The following ARPC1A variants were observed in gnomAD, a reference collection of about 807,000 sequenced individuals.
The protein encoded by ARPC1A is actin related protein 2/3 complex subunit 1A.
In ARPC1A, 8 loss-of-function variants were observed where a neutral mutation model predicts 46.9. The ratio of observed to expected loss-of-function variants is 0.17; its 90% CI spans 0.10 to 0.31. The LOEUF (loss-of-function observed/expected upper bound fraction) is 0.31, where lower values mean the gene tolerates loss of function less well. Ranked by LOEUF, ARPC1A falls within the 10% of genes least tolerant of loss-of-function variation. The probability of loss-of-function intolerance (pLI) is 1.00; values close to 1 mark genes in which losing one functional copy is unlikely to be tolerated. For synonymous variants in ARPC1A, 152 were observed against 169.0 expected (o/e 0.90, Z 0.78); for missense variants, 286 against 483.6 (o/e 0.59, Z 3.83).
intron 1 of ARPC1A, among the ~76,000 whole-genome samples, chr7:99,327,477 A>ATT (rs112492087): frequency 0.024 from 3,378 of 139,006 alleles, 119 homozygotes; most frequent in African/African-American, 0.083. Flanking sequence ...CGCCTGGCTA[A>ATT]TTTTTTTTTT....
intron 3 of ARPC1A, among the ~76,000 whole-genome samples, chr7:99,341,005 C>A (rs1377125637): frequency 6.6e-6 from 1 of 152,160 alleles, no homozygotes; most frequent in Non-Finnish European, 1.5e-5. Context: ...TAAGAATACT[C>A]ATATTTTAAA....
intron 1 of ARPC1A, among the ~76,000 whole-genome samples, chr7:99,326,335 G>A (rs1240761136): frequency 6.6e-6 from 1 of 152,194 alleles, no homozygotes; most frequent in African/African-American, 2.4e-5. Flanking sequence ...AGGATCTCCC[G>A]TAATCGAGCG....
Position 99,365,954 on chromosome 7 carries a change from G to A in ARPC1A, c.*25G>A, listed in dbSNP as rs772594251. On this transcript the variant is annotated 3_prime_UTR_variant, in exon 10 of 10. Coordinates refer to ENST00000262942, the MANE Select transcript of ARPC1A (RefSeq NM_006409.4). ...AAGCTGAGTGAGCCTCCGCCATCCAGCATGACAAACTGTGGCCGACCGCAG... is the reference window on the plus strand; with the variant it reads ...AAGCTGAGTGAGCCTCCGCCATCCAACATGACAAACTGTGGCCGACCGCAG... 9 of 1,564,028 alleles carry A rather than the reference G, an allele frequency of 5.8e-6. No individual in the cohort carries two copies. The South Asian group carries it at 7.0e-5, about 12-fold the overall frequency.
At chr7:99,334,298 G>A (rs543888882) in intron 2 of ARPC1A, among the ~76,000 whole-genome samples, 1 of 151,950 alleles carries the variant, frequency 6.6e-6, no homozygotes, top group South Asian at 2.1e-4. Flanking sequence ...GGAGGCAGAG[G>A]TTGCAGTGAT....
In ARPC1A at chr7:99,363,572, A is replaced by C; in HGVS notation, c.1013A>C (p.Gln338Pro). 6.2e-7 allele frequency: 1 copy of C among 1,613,470 alleles called. No individual in the cohort carries two copies. The highest frequency in any genetic ancestry group is 8.5e-7 in the Non-Finnish European group (1 of 1,179,894). The change falls in exon 9 of 10, where the codon CAA becomes CCA. Residue 338 changes from glutamine (Q) to proline (P), a missense_variant. This residue lies in a region of ARPC1A where 182 missense variants were observed against 276.7 expected (regional missense o/e 0.66). Coordinates refer to ENST00000262942, the MANE Select transcript of ARPC1A (RefSeq NM_006409.4). ...TQVSIYEVDK[Q>P]DCRKFCTTGI... ...GTCTCTATTTATGAGGTGGACAAGCAAGATTGTCGCAAATTTTGCACTACT... is the reference window on the plus strand; with the variant it reads ...GTCTCTATTTATGAGGTGGACAAGCCAGATTGTCGCAAATTTTGCACTACT...
chr7:99,354,270 C>T, intron 6 of ARPC1A, 149 bp downstream of exon 6: 1 of 911,388 alleles, frequency 1.1e-6, no homozygotes, highest in Non-Finnish European at 1.6e-6. Flanking sequence ...CGCCTGTAAT[C>T]CCAGCACTTT....
At chr7:99,329,279 C>T (rs1341441892) in intron 1 of ARPC1A, among the ~76,000 whole-genome samples, 7 of 146,136 alleles carry the variant, frequency 4.8e-5, no homozygotes, top group Admixed American at 2.1e-4. Flanking sequence ...CCAGCCTGGG[C>T]GACAGAGCGA....
chr7:99,331,818 C>T (rs772795574), intron 1 of ARPC1A, among the ~76,000 whole-genome samples: 5 of 152,254 alleles, frequency 3.3e-5, no homozygotes, highest in South Asian at 4.1e-4. Flanking sequence ...ACTCAGGAGG[C>T]TGAGGCAGGA....
At chr7:99,342,791 C>T (rs1321370235) in intron 3 of ARPC1A, among the ~76,000 whole-genome samples, 3 of 139,822 alleles carry the variant, frequency 2.1e-5, no homozygotes, top group Non-Finnish European at 3.0e-5. Context: ...GGTGCGATCT[C>T]GGCTCACTGT....
chr7:99,328,229 C>T (rs1165643410), intron 1 of ARPC1A, among the ~76,000 whole-genome samples: 1 of 152,054 alleles, frequency 6.6e-6, no homozygotes, highest in African/African-American at 2.4e-5. Flanking sequence ...ATTAGCCAGG[C>T]ATGGTGGCAC....
intron 3 of ARPC1A, among the ~76,000 whole-genome samples, chr7:99,343,523 G>A (rs1793390079): frequency 6.6e-6 from 1 of 152,076 alleles, no homozygotes. Flanking sequence ...TGTTAAATGA[G>A]TCATGGTGAA....
intron 5 of ARPC1A, among the ~76,000 whole-genome samples, chr7:99,350,212 G>C (rs560020247): frequency 2.6e-5 from 4 of 152,198 alleles, no homozygotes; most frequent in African/African-American, 9.6e-5. Context: ...TTAGAGGGGA[G>C]GATTAGCATG....
intron 2 of ARPC1A, among the ~76,000 whole-genome samples, chr7:99,333,781 A>G (rs1793189113): frequency 6.6e-6 from 1 of 152,164 alleles, no homozygotes; most frequent in Non-Finnish European, 1.5e-5. Context: ...CCAGCAAACT[A>G]GAAAGGGATG....
chr7:99,352,553 G>C (rs1482227316), intron 5 of ARPC1A, among the ~76,000 whole-genome samples: 1 of 151,872 alleles, frequency 6.6e-6, no homozygotes, highest in Non-Finnish European at 1.5e-5. Flanking sequence ...CTACTCGAGA[G>C]GCTGAGGCAG....
At chr7:99,352,513 G>C (rs1335840151) in intron 5 of ARPC1A, among the ~76,000 whole-genome samples, 2 of 150,226 alleles carry the variant, frequency 1.3e-5, no homozygotes, top group Admixed American at 6.7e-5. Context: ...TAAAATATTA[G>C]CTGGGCATAA....
intron 6 of ARPC1A, among the ~76,000 whole-genome samples, chr7:99,358,005 A>C (rs1032805371): frequency 2.0e-5 from 3 of 152,192 alleles, no homozygotes; most frequent in African/African-American, 7.2e-5. Context: ...GGGAGAAGCC[A>C]CTTTAGGCGG....
intron 1 of ARPC1A, 35 bp downstream of exon 1, chr7:99,326,039 C>G (rs1793039088): frequency 1.3e-5 from 2 of 152,294 alleles, no homozygotes. Flanking sequence ...CTCACCCTGT[C>G]GGCCTCTCTT....
intron 4 of ARPC1A, 66 bp downstream of exon 4, chr7:99,344,581 G>A: frequency 1.3e-6 from 2 of 1,501,606 alleles, no homozygotes; most frequent in Non-Finnish European, 1.8e-6. Flanking sequence ...CTGTGTGAGG[G>A]CTCACCATAA....
Position 99,354,988 on chromosome 7 carries a change from C to T in ARPC1A, c.713+867C>T, listed in dbSNP as rs375393474. On this transcript the variant is annotated intron_variant, in intron 6 of 9. Transcript: ENST00000262942. ...AATTAGCTGGACGTGGTGGCACATG[C>T]CTGTAATCCCAGCTACTCAGGAGGC... 2.0e-5 allele frequency among the ~76,000 whole-genome samples: 3 copies of T among 152,054 alleles called. No individual in the cohort carries two copies. The South Asian group carries it at 6.2e-4, about 31-fold the overall frequency.
Sources: gnomAD v4.1 joint callset for allele counts (sites outside exome capture counted in the v4.1 genomes callset) on GRCh38, gnomAD v4.1.1 for gene constraint, gnomAD v4.1.1 regional missense constraint, MANE v1.5 for transcripts, NCBI Gene and HGNC (gene_info 2026-07-23, HGNC 2026-07-21) for gene names.